NECTIN2: variants seen among roughly 807,000 people sequenced by gnomAD.
NECTIN2 encodes the protein nectin cell adhesion molecule 2, also known as nectin-2.
NECTIN2 carries 23 observed loss-of-function variants against 56.9 expected under a neutral mutation model. That is an observed-to-expected ratio of 0.40 (90% CI 0.29 to 0.57). The LOEUF (loss-of-function observed/expected upper bound fraction) is 0.57, where lower values mean the gene tolerates loss of function less well. NECTIN2 is among the 20% of genes least tolerant of loss of function. The pLI, the probability that NECTIN2 is intolerant of heterozygous loss-of-function variation, is 0.38. For synonymous variants in NECTIN2, 302 were observed against 313.8 expected, an observed-to-expected ratio of 0.96 and a Z score of 0.40; for missense variants, 587 against 718.3, an observed-to-expected ratio of 0.82 and a Z score of 2.09.
intron 1 of NECTIN2, among the ~76,000 whole-genome samples, chr19:44,857,895 C>A (rs184222060): frequency 2.0e-5 from 3 of 152,180 alleles, no homozygotes; most frequent in Admixed American, 2.0e-4. Context: ...TAAATTGTTA[C>A]CAAGAATTTA....
intron 5 of NECTIN2, among the ~76,000 whole-genome samples, chr19:44,881,868 A>G (rs759126644): frequency 5.3e-5 from 8 of 152,048 alleles, no homozygotes; most frequent in African/African-American, 1.4e-4. Context: ...TGCACCTCCT[A>G]TCACTTCCGC....
At chr19:44,853,739 G>A (rs1968930035) in intron 1 of NECTIN2, among the ~76,000 whole-genome samples, 1 of 152,112 alleles carries the variant, frequency 6.6e-6, no homozygotes, top group Admixed American at 6.6e-5. Flanking sequence ...CGCCCTCCTC[G>A]GCCTCCCAAA....
chr19:44,870,262 G>A (rs968869709), intron 2 of NECTIN2, among the ~76,000 whole-genome samples: 2 of 152,198 alleles, frequency 1.3e-5, no homozygotes, highest in Non-Finnish European at 2.9e-5. Flanking sequence ...CCATGGGGAA[G>A]TGGTGGGCTC....
intron 6 of NECTIN2, 91 bp from the exon 7 acceptor site, chr19:44,885,846 C>A: frequency 1.9e-6 from 2 of 1,054,556 alleles, no homozygotes; most frequent in African/African-American, 1.6e-5. Flanking sequence ...GAAAGGGAGA[C>A]CCAGGTAGAG....
chr19:44,854,699 G>C (rs1968942913), intron 1 of NECTIN2, among the ~76,000 whole-genome samples: 1 of 152,054 alleles, frequency 6.6e-6, no homozygotes, highest in African/African-American at 2.4e-5. Context: ...TGTAATCCCA[G>C]CTACTTGGGA....
At chr19:44,862,044 G>A (rs186725115) in intron 1 of NECTIN2, among the ~76,000 whole-genome samples, 52 of 152,258 alleles carry the variant, frequency 3.4e-4, no homozygotes, top group African/African-American at 1.2e-3. Context: ...ACATGTATGC[G>A]TATGTTCATT....
rs35454521 is a variant in NECTIN2, at chr19:44,860,955, T to TA, written c.89-4302dup. On this transcript the variant is annotated intron_variant, in intron 1 of 8. Transcript: ENST00000252483. ...GAATTTATATCTCGATAAAGCTGTT[T>TA]AAAAAAAAAAAAAACTACGTAAAAA... is the stretch of plus-strand genomic sequence containing the variant. 1.3e-3 allele frequency among the ~76,000 whole-genome samples: 184 copies of TA among 140,712 alleles called. 1 individual carries two copies. Among genetic ancestry groups the TA allele is most frequent in the Admixed American group, 2.0e-3 (27 of 13,782 alleles). The allele number at this position is 140,712 out of a possible 152,430, so 92.3% of individuals were successfully genotyped here.
chr19:44,848,385 C>A (rs979732529), intron 1 of NECTIN2, among the ~76,000 whole-genome samples: 1 of 152,168 alleles, frequency 6.6e-6, no homozygotes, highest in Non-Finnish European at 1.5e-5. Flanking sequence ...TTCTCAAGGT[C>A]TCACAGCAGG....
At chr19:44,872,609 C>A (rs550668009) in intron 3 of NECTIN2, among the ~76,000 whole-genome samples, 49 of 151,888 alleles carry the variant, frequency 3.2e-4, no homozygotes, top group Non-Finnish European at 5.6e-4. Flanking sequence ...TGACACTGCC[C>A]CTGGACCGTT....
chr19:44,852,610 G>T (rs1968914149), intron 1 of NECTIN2, among the ~76,000 whole-genome samples: 1 of 151,696 alleles, frequency 6.6e-6, no homozygotes, highest in South Asian at 2.1e-4. Flanking sequence ...CTTTCTAGCA[G>T]GATCCTTCTA....
At position 44,848,574 on chromosome 19, in the gene NECTIN2, G is replaced by A. The variant is rs534229122; in HGVS notation, c.88+1961G>A. 2.2e-4 allele frequency among the ~76,000 whole-genome samples: 33 copies of A among 152,226 alleles called. 1 individual carries two copies. In the South Asian group the frequency reaches 6.8e-3, roughly 32 times the overall value. Reference sequence around the variant, plus strand: ...CCTGTGAAACCTCTTAGCCCCTGGAGAAGGAGCTGTCGGCCCCTTTCTTGA... The same window carrying A: ...CCTGTGAAACCTCTTAGCCCCTGGAAAAGGAGCTGTCGGCCCCTTTCTTGA... On this transcript the variant is annotated intron_variant, in intron 1 of 8. Transcript: ENST00000252483.
intron 1 of NECTIN2, among the ~76,000 whole-genome samples, chr19:44,850,246 GAC>G (rs1723445385): frequency 6.6e-6 from 1 of 152,012 alleles, no homozygotes; most frequent in Non-Finnish European, 1.5e-5. Flanking sequence ...GGGAATTGGA[GAC>G]ACAGAGGGAC....
In NECTIN2 at chr19:44,866,575, G is replaced by T. The variant is rs147906601; in HGVS notation, c.478+915G>T. Among the ~76,000 whole-genome samples the T allele has an allele frequency of 3.6e-4, 54 of 152,064 alleles. No homozygotes were observed. In the East Asian group the frequency reaches 9.9e-3, roughly 28 times the overall value. On this transcript the variant is annotated intron_variant, in intron 2 of 8. Transcript: ENST00000252483. Reference sequence around the variant, plus strand: ...GCGTTCCAGGCAGACGGAATGGCAAGTACAAAGGCCCTGAGACAGGAATAC... The same window carrying T: ...GCGTTCCAGGCAGACGGAATGGCAATTACAAAGGCCCTGAGACAGGAATAC...
chr19:44,847,954 C>A (rs1214214623), intron 1 of NECTIN2, among the ~76,000 whole-genome samples: 4 of 152,054 alleles, frequency 2.6e-5, no homozygotes, highest in Non-Finnish European at 5.9e-5. Flanking sequence ...TGGGAGGGAA[C>A]CCTTGAAAGA....
chr19:44,869,680 G>A (rs1969150069), intron 2 of NECTIN2, among the ~76,000 whole-genome samples: 1 of 151,248 alleles, frequency 6.6e-6, no homozygotes, highest in Admixed American at 6.6e-5. Context: ...TGGGAGCATA[G>A]ATTGAAGTTG....
rs1485990970 is a variant in NECTIN2 at position 44,874,723 on chromosome 19, C to T, written c.1042+245C>T. 2.0e-6 allele frequency: 1 copy of T among 510,072 alleles called. No homozygotes were observed. Among genetic ancestry groups the T allele is most frequent in the Non-Finnish European group, 3.6e-6 (1 of 281,216 alleles). The allele number at this position is 510,072 out of a possible 1,614,324, so 31.6% of individuals were successfully genotyped here. ...GGGTTGAGGACTTTGCTCGGGGTTC[C>T]TAGAAAGTAGAGGCCTGGGTAGGGT... is the stretch of plus-strand genomic sequence containing the variant. On this transcript the variant is annotated intron_variant, in intron 5 of 8. Coordinates refer to ENST00000252483, the MANE Select transcript of NECTIN2 (RefSeq NM_001042724.2). This position sits in a 1 kb window ranked among gnomAD's most constrained non-coding sequence, Gnocchi z 6.3.
At chr19:44,862,992 CAAAAAAA>C (rs57740346) in intron 1 of NECTIN2, among the ~76,000 whole-genome samples, 29 of 123,124 alleles carry the variant, frequency 2.4e-4, no homozygotes, top group Admixed American at 6.3e-4. Flanking sequence ...ACTAAAAATA[CAAAAAAA>C]AAAAAAAAAA....
At chr19:44,878,456 G>A in intron 5 of NECTIN2, 1 of 1,607,328 alleles carries the variant, frequency 6.2e-7, no homozygotes, top group South Asian at 1.1e-5. Context: ...CTGGACACCA[G>A]TAGTCCCTGG....
Position 44,888,308 on chromosome 19 carries a change from C to T in NECTIN2, c.1546C>T (p.Leu516=). 9 of 1,613,964 alleles carry T rather than the reference C, an allele frequency of 5.6e-6. No homozygotes were observed. Among genetic ancestry groups the T allele is most frequent in the Non-Finnish European group, 7.6e-6 (9 of 1,179,894 alleles). The change falls in exon 9 of 9, where the codon CTG becomes TTG. Residue 516 remains leucine, a synonymous_variant. Coordinates refer to ENST00000252483, the MANE Select transcript of NECTIN2 (RefSeq NM_001042724.2). ...CAAGATCAACCCCATCTATGATGCT[C>T]TGTCCTATAGCAGCCCCTCTGATTC... ...LDKINPIYDA[L]SYSSPSDSYQ...
Sources: gnomAD v4.1 joint callset for allele counts (sites outside exome capture counted in the v4.1 genomes callset) on GRCh38, gnomAD v4.1.1 for gene constraint, Gnocchi (gnomAD v3.1) non-coding constraint, MANE v1.5 for transcripts, NCBI Gene and HGNC (gene_info 2026-07-23, HGNC 2026-07-21) for gene names.